Variants in CTIF observed in about 807,000 individuals in gnomAD.
CTIF encodes CBP80/20-dependent translation initiation factor.
Under a neutral mutation model 66.0 loss-of-function variants are expected in CTIF, and 21 were observed. That is an observed-to-expected ratio of 0.32 (90% CI 0.23 to 0.46). The LOEUF (loss-of-function observed/expected upper bound fraction) is 0.46. Among genes scored for constraint, CTIF ranks in the 20% least tolerant of loss-of-function variants. The probability of loss-of-function intolerance (pLI) is 1.00; values close to 1 mark genes in which losing one functional copy is unlikely to be tolerated. For missense variants in CTIF, 739 were observed against 812.7 expected, an observed-to-expected ratio of 0.91 and a Z score of 1.10; for synonymous variants, 345 against 326.4, an observed-to-expected ratio of 1.06 and a Z score of -0.62.
chr18:48,636,914 C>G (rs142151107), intron 3 of CTIF, among the ~76,000 whole-genome samples: 1 of 152,222 alleles, frequency 6.6e-6, no homozygotes, highest in Non-Finnish European at 1.5e-5. Context: ...TTAGTAGCTG[C>G]GTTCTATATA....
At chr18:48,759,800 G>C (rs1276177451) in intron 8 of CTIF, among the ~76,000 whole-genome samples, 1 of 152,216 alleles carries the variant, frequency 6.6e-6, no homozygotes, top group African/African-American at 2.4e-5. Context: ...GGGTACATGG[G>C]GGAATGGAAC....
chr18:48,836,844 G>A (rs2068822068), intron 10 of CTIF, among the ~76,000 whole-genome samples: 1 of 152,230 alleles, frequency 6.6e-6, no homozygotes, highest in South Asian at 2.1e-4. Flanking sequence ...ATCTGTGAGT[G>A]TGTCCCCTGC....
intron 1 of CTIF, among the ~76,000 whole-genome samples, chr18:48,603,283 C>T (rs117089670): frequency 0.096 from 11,094 of 115,544 alleles, 571 homozygotes; most frequent in Middle Eastern, 0.23. Context: ...GTGGGTGGAC[C>T]GATGGGTGGG....
At chr18:48,850,279 G>T (rs2069172749) in intron 10 of CTIF, among the ~76,000 whole-genome samples, 1 of 152,144 alleles carries the variant, frequency 6.6e-6, no homozygotes, top group East Asian at 1.9e-4. Context: ...GAACACTTGG[G>T]TTGTTCCGCC....
At chr18:48,848,990 G>C (rs1441633047) in intron 10 of CTIF, among the ~76,000 whole-genome samples, 1 of 152,214 alleles carries the variant, frequency 6.6e-6, no homozygotes, top group African/African-American at 2.4e-5. Context: ...GGCACGGGAG[G>C]CTTGCCTGCC....
chr18:48,660,666 C>T (rs974486212), intron 3 of CTIF, among the ~76,000 whole-genome samples: 7 of 152,262 alleles, frequency 4.6e-5, no homozygotes, highest in Non-Finnish European at 1.5e-5. Flanking sequence ...TCCACCAGCT[C>T]TCTGCACAGG....
At chr18:48,674,143 T>C (rs2091585979) in intron 6 of CTIF, among the ~76,000 whole-genome samples, 1 of 152,178 alleles carries the variant, frequency 6.6e-6, no homozygotes, top group Admixed American at 6.5e-5. Context: ...GCCCTAGCCT[T>C]TTAGAGAGAG....
intron 9 of CTIF, among the ~76,000 whole-genome samples, chr18:48,775,176 C>T (rs1341885650): frequency 6.6e-6 from 1 of 152,170 alleles, no homozygotes; most frequent in African/African-American, 2.4e-5. Flanking sequence ...GGATCTCAAG[C>T]GTGGCAGCCC....
chr18:48,630,609 T>G (rs1030667536), intron 2 of CTIF, among the ~76,000 whole-genome samples: 1 of 152,120 alleles, frequency 6.6e-6, no homozygotes, highest in African/African-American at 2.4e-5. Flanking sequence ...GTTTTATCAG[T>G]TGATCTGCTC....
At position 48,757,432 on chromosome 18, in the gene CTIF, A is replaced by G. The variant is rs188868257; in HGVS notation, c.585-487A>G. 3.9e-3 allele frequency among the ~76,000 whole-genome samples: 589 copies of G among 152,348 alleles called. 3 individuals are homozygous for G. Among genetic ancestry groups the G allele is most frequent in the Non-Finnish European group, 7.0e-3 (476 of 68,026 alleles). On this transcript the variant is annotated intron_variant, in intron 7 of 11. Coordinates refer to ENST00000256413, the MANE Select transcript of CTIF (RefSeq NM_014772.3). ...TGTTTGAAAGGGATATAACTTTTCAAAAAACATTATGGTGAACAGTCATTC... is the reference window on the plus strand; with the variant it reads ...TGTTTGAAAGGGATATAACTTTTCAGAAAACATTATGGTGAACAGTCATTC...
chr18:48,703,617 G>C (rs953633591), intron 6 of CTIF, among the ~76,000 whole-genome samples: 2 of 152,230 alleles, frequency 1.3e-5, no homozygotes, highest in Admixed American at 6.5e-5. Context: ...AGGGGTCAGA[G>C]GTCAAAGATC....
chr18:48,788,578 G>A (rs2067728062), intron 9 of CTIF, among the ~76,000 whole-genome samples: 2 of 152,152 alleles, frequency 1.3e-5, no homozygotes, highest in South Asian at 4.1e-4. Context: ...GCCCCCGGAG[G>A]CCTTGTTACT....
chr18:48,745,616 A>C (rs8087721), intron 7 of CTIF, among the ~76,000 whole-genome samples: 23,338 of 152,136 alleles, frequency 0.15, 1,879 homozygotes, highest in African/African-American at 0.19. Flanking sequence ...CTTTTAACTC[A>C]CTGCTCTAAG....
In CTIF at chr18:48,688,774, A is replaced by G. The variant is rs189515002; in HGVS notation, c.507+18030A>G. ...AGGCTCACAGGACATCTGTTTAATA[A>G]TGTATTCTAGAATTTCCTAGAGATC... On this transcript the variant is annotated intron_variant, in intron 6 of 11. Coordinates refer to ENST00000256413, the MANE Select transcript of CTIF (RefSeq NM_014772.3). 3.3e-5 allele frequency among the ~76,000 whole-genome samples: 5 copies of G among 152,326 alleles called. No homozygotes were observed. The East Asian group carries it at 9.6e-4, about 29-fold the overall frequency.
At chr18:48,689,926 C>T (rs1227703915) in intron 6 of CTIF, among the ~76,000 whole-genome samples, 2 of 152,206 alleles carry the variant, frequency 1.3e-5, no homozygotes, top group Non-Finnish European at 2.9e-5. Flanking sequence ...GTATTAAAGA[C>T]TTATCCCATT....
intron 10 of CTIF, among the ~76,000 whole-genome samples, chr18:48,854,510 G>A (rs538578430): frequency 2.6e-5 from 4 of 152,192 alleles, no homozygotes; most frequent in Non-Finnish European, 5.9e-5. Context: ...ACGTGTGCAG[G>A]CCTGACCCGT....
intron 6 of CTIF, among the ~76,000 whole-genome samples, chr18:48,685,743 C>T (rs568651760): frequency 1.2e-4 from 19 of 152,096 alleles, no homozygotes; most frequent in Non-Finnish European, 2.4e-4. Context: ...GTGGTGCGAT[C>T]TCAAGTCACT....
chr18:48,655,360 G>A (rs1232935619), intron 3 of CTIF, among the ~76,000 whole-genome samples: 1 of 151,636 alleles, frequency 6.6e-6, no homozygotes, highest in East Asian at 1.9e-4. Flanking sequence ...TGAGGCCGCA[G>A]GAAGCAGAAA....
rs543528758 is a variant in CTIF at position 48,577,454 on chromosome 18, C to T, written c.-29+38142C>T. Among the ~76,000 whole-genome samples the T allele has an allele frequency of 8.2e-4, 125 of 152,318 alleles. 1 individual carries two copies. In the South Asian group the frequency reaches 0.015, roughly 18 times the overall value. On this transcript the variant is annotated intron_variant, in intron 1 of 11. Coordinates refer to ENST00000256413, the MANE Select transcript of CTIF (RefSeq NM_014772.3). ...CTGAAGGATAGTGCCATAGCCCCTG[C>T]GTGGCCCTCATCTTCAGCTCTTTCT...
Sources: gnomAD v4.1 joint callset for allele counts (sites outside exome capture counted in the v4.1 genomes callset) on GRCh38, gnomAD v4.1.1 for gene constraint, MANE v1.5 for transcripts, NCBI Gene and HGNC (gene_info 2026-07-23, HGNC 2026-07-21) for gene names.